Variants in MUC7 observed in about 807,000 individuals in gnomAD.
MUC7 encodes mucin 7, secreted.
MUC7 carries 2 observed loss-of-function variants against 2.5 expected under a neutral mutation model. That is an observed-to-expected ratio of 0.81 (90% CI 0.33 to 2.55). The LOEUF is 2.55. Ranked by LOEUF, MUC7 falls within the 30% of genes most tolerant of loss-of-function variation. The pLI is 0.11. For missense variants in MUC7, 408 were observed against 455.6 expected (o/e 0.90, Z 0.95); for synonymous variants, 133 against 173.4 (o/e 0.77, Z 1.83).
At chr4:70,456,153 A>C (rs1734404378) in intron 1 of MUC7, among the ~76,000 whole-genome samples, 2 of 152,076 alleles carry the variant, frequency 1.3e-5, no homozygotes, top group Non-Finnish European at 2.9e-5. Flanking sequence ...CCCAGTTCCG[A>C]AGTCACTTCC....
At chr4:70,466,005 C>A (rs1334229934) in intron 1 of MUC7, among the ~76,000 whole-genome samples, 1 of 152,158 alleles carries the variant, frequency 6.6e-6, no homozygotes. Context: ...AGAGAAAGGT[C>A]AGGTTACCCA....
chr4:70,445,152 A>G (rs1734100590), intron 1 of MUC7, among the ~76,000 whole-genome samples: 1 of 152,130 alleles, frequency 6.6e-6, no homozygotes, highest in Non-Finnish European at 1.5e-5. Context: ...TGCCATCAAT[A>G]CCACACCTGC....
In MUC7 at chr4:70,481,840, C is replaced by A; in HGVS notation, c.1096C>A (p.Leu366Ile). The change falls in exon 3 of 3, where the codon CTA becomes ATA. Residue 366 changes from leucine (L) to isoleucine (I), a missense_variant. Physicochemically the swap from Leu to Ile is conservative, Grantham distance 5. Coordinates refer to ENST00000304887, the MANE Select transcript of MUC7 (RefSeq NM_152291.3). ...TCGATTTCTTTTATATATGAAGAATCTACTAAACAGAATTATTGACGACAT... is the reference window on the plus strand; with the variant it reads ...TCGATTTCTTTTATATATGAAGAATATACTAAACAGAATTATTGACGACAT... ...ISRFLLYMKN[L>I]LNRIIDDMVE... 6.2e-7 allele frequency: 1 copy of A among 1,614,004 alleles called. No homozygotes were observed. Among genetic ancestry groups the A allele is most frequent in the East Asian group, 2.2e-5 (1 of 44,838 alleles).
intron 1 of MUC7, among the ~76,000 whole-genome samples, chr4:70,459,556 T>C (rs1474964774): frequency 6.6e-6 from 1 of 152,112 alleles, no homozygotes; most frequent in Non-Finnish European, 1.5e-5. Context: ...ATTGGGCACA[T>C]GTACCCTAAA....
intron 1 of MUC7, among the ~76,000 whole-genome samples, chr4:70,456,730 G>A (rs1001063025): frequency 1.3e-5 from 2 of 152,168 alleles, no homozygotes; most frequent in Non-Finnish European, 2.9e-5. Flanking sequence ...TGGGGACACA[G>A]AGCCAAACCA....
intron 1 of MUC7, among the ~76,000 whole-genome samples, chr4:70,431,038 G>T (rs544195561): frequency 6.6e-6 from 1 of 151,944 alleles, no homozygotes; most frequent in Non-Finnish European, 1.5e-5. Flanking sequence ...TCACTGTATG[G>T]GGAGCTGTAT....
Position 70,447,016 on chromosome 4 carries a change from A to G in MUC7, c.-93+16329A>G, listed in dbSNP as rs115917084. On this transcript the variant is annotated intron_variant, in intron 1 of 3. Coordinates refer to the MUC7 transcript ENST00000413702. Reference sequence around the variant, plus strand: ...AAATGCAGACAAGTGCAAATGAGAAAGACATCCCAACATGAGATTTTCTTT... The same window carrying G: ...AAATGCAGACAAGTGCAAATGAGAAGGACATCCCAACATGAGATTTTCTTT... 2.5e-3 allele frequency among the ~76,000 whole-genome samples: 379 copies of G among 150,806 alleles called. 1 individual carries two copies. Among genetic ancestry groups the G allele is most frequent in the African/African-American group, 8.7e-3 (358 of 41,208 alleles).
intron 1 of MUC7, among the ~76,000 whole-genome samples, chr4:70,451,054 T>C (rs2109715097): frequency 1.3e-5 from 2 of 152,268 alleles, no homozygotes; most frequent in Middle Eastern, 3.4e-3. Context: ...TAGACTGCCT[T>C]TCTAGTTTAC....
intron 1 of MUC7, among the ~76,000 whole-genome samples, chr4:70,450,639 C>T (rs1734257204): frequency 6.6e-6 from 1 of 152,132 alleles, no homozygotes; most frequent in Non-Finnish European, 1.5e-5. Context: ...ATTCAGGGCC[C>T]AAGGACTCTT....
chr4:70,434,348 C>T (rs546226608), intron 1 of MUC7, among the ~76,000 whole-genome samples: 1 of 152,056 alleles, frequency 6.6e-6, no homozygotes, highest in African/African-American at 2.4e-5. Context: ...TCCATCTGGT[C>T]CTGGACTTTT....
chr4:70,464,394 C>G (rs764469388), intron 1 of MUC7, among the ~76,000 whole-genome samples: 1 of 152,052 alleles, frequency 6.6e-6, no homozygotes, highest in Non-Finnish European at 1.5e-5. Flanking sequence ...ACCAGTGAGA[C>G]AGAATCATTC....
chr4:70,481,064 C>T lies in MUC7; in HGVS notation c.320C>T (p.Ala107Val), dbSNP rs769444863. Residue 107 changes from alanine (A) to valine (V), a missense_variant, in exon 3 of 3, where the codon GCT (alanine) becomes GTT (valine). Ala to Val is a moderately conservative substitution (Grantham distance 64). Coordinates refer to ENST00000304887, the MANE Select transcript of MUC7 (RefSeq NM_152291.3). ...NSSVVNPTLV[A>V]TTQIPSVTFP... The stretch of plus-strand genomic sequence containing the variant: ...AGTGTGGTCAACCCTACCTTAGTGG[C>T]TACAACCCAAATTCCATCTGTGACT... 6.8e-6 allele frequency: 11 copies of T among 1,614,026 alleles called. No individual in the cohort carries two copies. The East Asian group carries it at 2.2e-4, about 33-fold the overall frequency.
intron 1 of MUC7, among the ~76,000 whole-genome samples, chr4:70,434,628 A>T (rs1403567424): frequency 6.6e-6 from 1 of 151,900 alleles, no homozygotes; most frequent in Non-Finnish European, 1.5e-5. Flanking sequence ...TAGTCTTGCT[A>T]GCAGTCTATT....
intron 1 of MUC7, among the ~76,000 whole-genome samples, chr4:70,451,855 G>T (rs577516033): frequency 9.2e-5 from 14 of 152,266 alleles, no homozygotes; most frequent in African/African-American, 3.1e-4. Context: ...TGCTGAAAAT[G>T]AGGTACCGAA....
chr4:70,445,308 A>G (rs1734104028), intron 1 of MUC7, among the ~76,000 whole-genome samples: 1 of 151,946 alleles, frequency 6.6e-6, no homozygotes, highest in African/African-American at 2.4e-5. Flanking sequence ...AACTCCACTA[A>G]CTGTTGCTCC....
chr4:70,473,197 G>A (rs1439276216), intron 1 of MUC7, among the ~76,000 whole-genome samples: 1 of 152,162 alleles, frequency 6.6e-6, no homozygotes, highest in Non-Finnish European at 1.5e-5. Context: ...AATTTTGGGA[G>A]GCCGATGAGG....
chr4:70,474,137 A>T, intron 2 of MUC7, 62 bp downstream of exon 2: 2 of 1,392,364 alleles, frequency 1.4e-6, no homozygotes, highest in Non-Finnish European at 2.0e-6. Flanking sequence ...TAGTGTACCT[A>T]CCTGAGACTT....
chr4:70,462,699 G>T (rs1319449335), intron 1 of MUC7, among the ~76,000 whole-genome samples: 1 of 152,186 alleles, frequency 6.6e-6, no homozygotes, highest in East Asian at 1.9e-4. Context: ...TCTGCCTGGT[G>T]CAATGGCTCA....
intron 1 of MUC7, among the ~76,000 whole-genome samples, chr4:70,440,506 A>G (rs1394082938): frequency 2.6e-5 from 4 of 152,192 alleles, no homozygotes; most frequent in Non-Finnish European, 5.9e-5. Flanking sequence ...CAAAAACAAA[A>G]GGAGAAGAAA....
Sources: allele counts gnomAD v4.1 joint callset (sites outside exome capture counted in the v4.1 genomes callset), GRCh38; gene constraint gnomAD v4.1.1; transcripts MANE v1.5; gene names NCBI Gene and HGNC (gene_info 2026-07-23, HGNC 2026-07-21).